ATAD2B: variants seen among roughly 807,000 people sequenced by gnomAD.
ATAD2B encodes the protein ATPase family AAA domain containing 2B, also known as ATPase family AAA domain-containing protein 2B.
ATAD2B carries 40 observed loss-of-function variants against 167.6 expected under a neutral mutation model. The ratio of observed to expected loss-of-function variants is 0.24; its 90% confidence interval spans 0.19 to 0.31. The LOEUF (loss-of-function observed/expected upper bound fraction) is 0.31, where lower values mean the gene tolerates loss of function less well. ATAD2B is among the 10% of genes least tolerant of loss of function. The probability of loss-of-function intolerance (pLI) is 1.00; values close to 1 mark genes in which losing one functional copy is unlikely to be tolerated. For missense variants in ATAD2B, 1,242 were observed against 1,757.2 expected, an observed-to-expected ratio of 0.71 and a Z score of 5.24; for synonymous variants, 579 against 596.5, an observed-to-expected ratio of 0.97 and a Z score of 0.43.
intron 9 of ATAD2B, among the ~76,000 whole-genome samples, chr2:23,868,609 C>CACGAATAT (rs1379413702): frequency 6.6e-6 from 1 of 152,204 alleles, no homozygotes; most frequent in African/African-American, 2.4e-5. Context: ...TCAACTATTA[C>CACGAATAT]ACGAATATGT....
Position 23,880,691 on chromosome 2 carries a change from T to A in ATAD2B, c.849A>T (p.Pro283=). ...EEAEGEENDR[P]YNLRQRKTVD... is the part of the protein sequence containing the mutation. ...CTGTTTTTCTCTGTCTCAAATTATA[T>A]GGTCTATCATTTTCTTCTCCTTCTG... The change falls in exon 7 of 28, where the codon CCA becomes CCT. Residue 283 remains proline (P), a synonymous_variant. Transcript: ENST00000238789. The A allele has an allele frequency of 6.2e-7, 1 of 1,610,450 alleles. No homozygotes were observed.
intron 8 of ATAD2B, among the ~76,000 whole-genome samples, chr2:23,874,776 G>T (rs1696563916): frequency 6.6e-6 from 1 of 152,062 alleles, no homozygotes; most frequent in Non-Finnish European, 1.5e-5. Flanking sequence ...GATAATTAGG[G>T]CCGGGTGTGG....
At chr2:23,793,225 C>T (rs529764463) in intron 19 of ATAD2B, among the ~76,000 whole-genome samples, 1 of 152,252 alleles carries the variant, frequency 6.6e-6, no homozygotes, top group Non-Finnish European at 1.5e-5. Flanking sequence ...TGTAATCTTA[C>T]TTTCATCAGC....
intron 18 of ATAD2B, among the ~76,000 whole-genome samples, chr2:23,799,215 G>A (rs931889929): frequency 6.6e-6 from 1 of 152,058 alleles, no homozygotes; most frequent in Non-Finnish European, 1.5e-5. Context: ...TTCCTAAAAT[G>A]CTCGACTTAT....
chr2:23,754,682 C>G lies in ATAD2B; in HGVS notation c.4171G>C (p.Val1391Leu), dbSNP rs200259678. Reference sequence around the variant, plus strand: ...TCACGATCAACTATAAGAGGAGGCACAGGCTCAGATGGCTCTTCTGGAACC... The same window carrying G: ...TCACGATCAACTATAAGAGGAGGCAGAGGCTCAGATGGCTCTTCTGGAACC... ...ELVPEEPSEPVPPLIVDRERL... is the reference protein window; with the variant it reads ...ELVPEEPSEPLPPLIVDRERL... Residue 1391 changes from valine to leucine, a missense_variant, in exon 26 of 28, where the codon GTG (valine) becomes CTG (leucine). Around this residue, in one of 9 missense-constraint regions of ATAD2B, gnomAD observed 282 missense variants for 346.8 expected, o/e 0.81. Transcript: ENST00000238789. 6.0e-5 allele frequency: 97 copies of G among 1,612,950 alleles called. No individual in the cohort carries two copies. In the African/African-American group the frequency reaches 1.1e-3, roughly 18 times the overall value.
the ATAD2B span, among the ~76,000 whole-genome samples, chr2:23,727,505 C>T: frequency 6.6e-6 from 1 of 152,128 alleles, no homozygotes; most frequent in Non-Finnish European, 1.5e-5. Flanking sequence ...CAGTTTGGCT[C>T]TTCTTATGAA....
chr2:23,841,953 T>C (rs1307828524), intron 13 of ATAD2B, among the ~76,000 whole-genome samples: 2 of 152,236 alleles, frequency 1.3e-5, no homozygotes, highest in African/African-American at 4.8e-5. Context: ...CTATGAATAT[T>C]TGTTTTTGTG....
intron 13 of ATAD2B, among the ~76,000 whole-genome samples, chr2:23,841,866 T>A: frequency 6.6e-6 from 1 of 152,226 alleles, no homozygotes; most frequent in East Asian, 1.9e-4. Flanking sequence ...TATGGATATA[T>A]CACATTTCAT....
chr2:23,851,888 T>C (rs893919045), intron 13 of ATAD2B, among the ~76,000 whole-genome samples: 1 of 142,628 alleles, frequency 7.0e-6, no homozygotes, highest in African/African-American at 2.6e-5. Context: ...AAAGGACCAA[T>C]AAAATTGATA....
intron 2 of ATAD2B, among the ~76,000 whole-genome samples, chr2:23,891,212 G>T (rs1051623062): frequency 6.1e-4 from 92 of 151,958 alleles, no homozygotes; most frequent in African/African-American, 2.2e-3. Flanking sequence ...TAGAGACAGG[G>T]TTTCACCATG....
chr2:23,856,811 G>A (rs546978777), intron 13 of ATAD2B, among the ~76,000 whole-genome samples: 96 of 152,102 alleles, frequency 6.3e-4, no homozygotes, highest in African/African-American at 2.0e-3. Context: ...AGTGAGCCGC[G>A]ATTACGCCAC....
intron 20 of ATAD2B, 144 bp from the exon 21 acceptor site, chr2:23,786,367 G>T: frequency 1.4e-6 from 1 of 715,922 alleles, no homozygotes; most frequent in Non-Finnish European, 2.3e-6. Context: ...TCTAAGAAAT[G>T]TGCAGTTAGG....
At chr2:23,748,579 C>T (rs1462422848), downstream of ATAD2B, 1 of 152,094 alleles carries the variant, frequency 6.6e-6, no homozygotes, top group Non-Finnish European at 1.5e-5. Context: ...AGCAATATGC[C>T]TCTCTCTAAA....
chr2:23,907,833 C>T (rs546703672), intron 1 of ATAD2B, among the ~76,000 whole-genome samples: 9 of 152,124 alleles, frequency 5.9e-5, no homozygotes, highest in East Asian at 1.9e-4. Flanking sequence ...GAAATAACGC[C>T]GCATATCTAC....
At chr2:23,769,540 T>C (rs1677978714) in intron 22 of ATAD2B, among the ~76,000 whole-genome samples, 1 of 152,116 alleles carries the variant, frequency 6.6e-6, no homozygotes, top group Non-Finnish European at 1.5e-5. Context: ...CTATAATACA[T>C]ATGTTAAACA....
chr2:23,796,686 G>C (rs1461529425), intron 19 of ATAD2B, among the ~76,000 whole-genome samples: 1 of 152,104 alleles, frequency 6.6e-6, no homozygotes, highest in East Asian at 1.9e-4. Context: ...TGGCTCCCAG[G>C]TTATATCCAG....
intron 13 of ATAD2B, chr2:23,856,450 T>C (rs1197968980): frequency 4.8e-6 from 2 of 417,900 alleles, no homozygotes; most frequent in East Asian, 9.4e-5. Context: ...TAGCTAAAAA[T>C]AGAAGCAAAA....
intron 12 of ATAD2B, among the ~76,000 whole-genome samples, chr2:23,858,536 G>C (rs146502667): frequency 6.9e-6 from 1 of 144,066 alleles, no homozygotes; most frequent in Non-Finnish European, 1.5e-5. Context: ...CTGTCACTCA[G>C]GCTTGAGTGC....
At chr2:23,678,419 G>A in the ATAD2B span, among the ~76,000 whole-genome samples, 88 of 152,246 alleles carry the variant, frequency 5.8e-4, no homozygotes, top group Non-Finnish European at 9.9e-4. Context: ...CTCACTCTCC[G>A]GGGACCCCTG....
Sources: gnomAD v4.1 joint callset for allele counts (sites outside exome capture counted in the v4.1 genomes callset) on GRCh38, gnomAD v4.1.1 for gene constraint, gnomAD v4.1.1 regional missense constraint, MANE v1.5 for transcripts, NCBI Gene and HGNC (gene_info 2026-07-23, HGNC 2026-07-21) for gene names.